The following USP34 variants were observed in gnomAD, a reference collection of about 807,000 sequenced individuals.
USP34 encodes ubiquitin carboxyl-terminal hydrolase 34.
Under a neutral mutation model 460.3 loss-of-function variants are expected in USP34, and 70 were observed. The observed-to-expected ratio is 0.15, with a 90% confidence interval of 0.13 to 0.19. The LOEUF (loss-of-function observed/expected upper bound fraction) is 0.19, where lower values mean the gene tolerates loss of function less well. Ranked by LOEUF, USP34 falls within the 10% of genes least tolerant of loss-of-function variation. The pLI, the probability that USP34 is intolerant of heterozygous loss-of-function variation, is 1.00. For missense variants in USP34, 3,985 were observed against 4,236.2 expected (o/e 0.94, Z 1.65); for synonymous variants, 1,647 against 1,405.3 (o/e 1.17, Z -3.85).
chr2:61,219,668 C>A lies in USP34; in HGVS notation c.8047+642G>T, dbSNP rs1354955316. ...CCTGAGCAACAGAGTGAGACTCTGTCTCAAAAAAAAAAAAAAAAAATTCAA... is the reference window on the plus strand; with the variant it reads ...CCTGAGCAACAGAGTGAGACTCTGTATCAAAAAAAAAAAAAAAAAATTCAA... On this transcript the variant is annotated intron_variant, in intron 67 of 79. Coordinates refer to ENST00000398571, the MANE Select transcript of USP34 (RefSeq NM_014709.4). Among the ~76,000 whole-genome samples, 5 of 139,226 alleles carry A rather than the reference C, an allele frequency of 3.6e-5. No homozygotes were observed. The East Asian group carries it at 1.0e-3, about 29-fold the overall frequency. 91.3% of individuals were successfully genotyped at this position (139,226 alleles called of 152,430 possible). A position where few individuals can be genotyped will look rare whatever the true frequency, so the allele number is the denominator to read the frequency against.
chr2:61,397,341 G>C (rs1249379720), intron 3 of USP34, among the ~76,000 whole-genome samples: 1 of 151,882 alleles, frequency 6.6e-6, no homozygotes, highest in African/African-American at 2.4e-5. Flanking sequence ...TACTTGGGAG[G>C]CTGATGCAGG....
chr2:61,445,831 C>T (rs1288305591), intron 1 of USP34, among the ~76,000 whole-genome samples: 1 of 151,914 alleles, frequency 6.6e-6, no homozygotes, highest in African/African-American at 2.4e-5. Flanking sequence ...ACGTGTAATA[C>T]CAGCTACTCG....
chr2:61,431,581 C>T (rs1008822136), intron 1 of USP34, among the ~76,000 whole-genome samples: 3 of 152,162 alleles, frequency 2.0e-5, no homozygotes, highest in Non-Finnish European at 2.9e-5. Flanking sequence ...GCTGGCCGGG[C>T]GTGGTGGCTC....
At chr2:61,421,442 T>A (rs1180234413) in intron 1 of USP34, among the ~76,000 whole-genome samples, 4 of 152,198 alleles carry the variant, frequency 2.6e-5, no homozygotes, top group Non-Finnish European at 4.4e-5. Flanking sequence ...ATAATAAAAA[T>A]TGAACATAAC....
intron 8 of USP34, among the ~76,000 whole-genome samples, chr2:61,374,585 T>A (rs192244219): frequency 1.0e-3 from 152 of 151,598 alleles, no homozygotes; most frequent in Non-Finnish European, 1.6e-3. Context: ...CTGCACACAC[T>A]CAGGATCAAA....
intron 61 of USP34, 117 bp from the exon 62 acceptor site, chr2:61,227,335 C>CA: frequency 8.7e-7 from 1 of 1,152,790 alleles, no homozygotes; most frequent in Non-Finnish European, 1.2e-6. Flanking sequence ...ACATGAAAAA[C>CA]AACTGCACAA....
At chr2:61,448,721 G>C (rs1028628158) in intron 1 of USP34, among the ~76,000 whole-genome samples, 6 of 152,174 alleles carry the variant, frequency 3.9e-5, no homozygotes, top group South Asian at 4.1e-4. Context: ...CAGGATACAA[G>C]ATCAAGGTAC....
chr2:61,204,885 T>G (rs1558464990), intron 72 of USP34, among the ~76,000 whole-genome samples: 1 of 152,168 alleles, frequency 6.6e-6, no homozygotes, highest in East Asian at 1.9e-4. Context: ...GTGAGGGATT[T>G]TTTTTTGGTC....
intron 21 of USP34, among the ~76,000 whole-genome samples, 175 bp from the exon 22 acceptor site, chr2:61,319,502 T>C (rs1690848368): frequency 6.6e-6 from 1 of 150,914 alleles, no homozygotes; most frequent in Non-Finnish European, 1.5e-5. Context: ...TTAATTGATA[T>C]AAATAAGAGT....
Position 61,437,127 on chromosome 2 carries a change from C to G in USP34, c.44-16294G>C, listed in dbSNP as rs542954825. On this transcript the variant is annotated intron_variant, in intron 1 of 79. Coordinates refer to ENST00000398571, the MANE Select transcript of USP34 (RefSeq NM_014709.4). ...ATTTCAAACAACCAATGATGCATCT[C>G]AAGGAACCAAAAAGAACAAAACCAA... Among the ~76,000 whole-genome samples, 43 of 152,104 alleles carry G rather than the reference C, an allele frequency of 2.8e-4. 1 individual carries two copies. The South Asian group carries it at 8.7e-3, about 31-fold the overall frequency.
chr2:61,324,030 A>G (rs1394641439), intron 21 of USP34, among the ~76,000 whole-genome samples: 1 of 152,246 alleles, frequency 6.6e-6, no homozygotes, highest in African/African-American at 2.4e-5. Flanking sequence ...TGGACTTGAA[A>G]AGAGTCATGA....
At chr2:61,383,476 G>C in intron 5 of USP34, 140 bp from the exon 6 acceptor site, 1 of 500,806 alleles carries the variant, frequency 2.0e-6, no homozygotes, top group Non-Finnish European at 3.6e-6. Context: ...AGGCTGAGGT[G>C]GGCAGATCCG....
rs1327007575 is a variant in USP34, at chr2:61,333,578, T to C, written c.2834+304A>G. Among the ~76,000 whole-genome samples, 6 of 152,130 alleles carry C rather than the reference T, an allele frequency of 3.9e-5. No individual in the cohort carries two copies. The South Asian group carries it at 6.2e-4, about 16-fold the overall frequency. On this transcript the variant is annotated intron_variant, in intron 19 of 79. Coordinates refer to ENST00000398571, the MANE Select transcript of USP34 (RefSeq NM_014709.4). ...ATTAAAGGCATGCCAGAGTTTACTTTAGTGTGGCTCTTCTTCAAAAGTACT... is the reference window on the plus strand; with the variant it reads ...ATTAAAGGCATGCCAGAGTTTACTTCAGTGTGGCTCTTCTTCAAAAGTACT...
intron 8 of USP34, 107 bp from the exon 9 acceptor site, chr2:61,370,686 A>G: frequency 2.3e-6 from 2 of 874,598 alleles, no homozygotes; most frequent in Non-Finnish European, 3.5e-6. Flanking sequence ...TAGGAATTAT[A>G]AAGAATTAGA....
At chr2:61,384,343 G>T (rs1483142302) in intron 5 of USP34, among the ~76,000 whole-genome samples, 1 of 152,082 alleles carries the variant, frequency 6.6e-6, no homozygotes, top group Non-Finnish European at 1.5e-5. Flanking sequence ...AAAAAACTCT[G>T]ATACTGAGTC....
Position 61,387,928 on chromosome 2 carries a change from T to TACACACACAC in USP34, c.754-4602_754-4593dup, listed in dbSNP as rs36116916. On this transcript the variant is annotated intron_variant, in intron 5 of 79. Transcript: ENST00000398571. ...ATAAGCATATGTAAAAATATATTTATACACACACACACACACACACACACA... is the reference window on the plus strand; with the variant it reads ...ATAAGCATATGTAAAAATATATTTATACACACACACACACACACACACACACACACACACA... Among the ~76,000 whole-genome samples, 677 of 142,616 alleles carry TACACACACAC rather than the reference T, an allele frequency of 4.7e-3. 4 individuals carry two copies. Among genetic ancestry groups the TACACACACAC allele is most frequent in the South Asian group, 0.031 (135 of 4,422 alleles). 93.6% of individuals were successfully genotyped at this position (142,616 alleles called of 152,430 possible).
At position 61,314,650 on chromosome 2, in the gene USP34, T is replaced by G. The variant is rs766901563; in HGVS notation, c.3477A>C (p.Ser1159=). The change falls in exon 25 of 80, where the codon TCA becomes TCC. Residue 1159 remains serine (S), a synonymous_variant. Transcript: ENST00000398571. ...ASSSLEQESH[S]SLMVIERGLL... is the part of the protein sequence containing the mutation. ...GTCCTCTTTCTATAACCATGAGACT[T>G]GAGTGTGATTCCTGTTCAAGACTGC... is the stretch of plus-strand genomic sequence containing the variant. 1.9e-6 allele frequency: 3 copies of G among 1,603,250 alleles called. No homozygotes were observed. Among genetic ancestry groups the G allele is most frequent in the East Asian group, 4.5e-5 (2 of 44,728 alleles).
chr2:61,283,741 C>T (rs1689605298), intron 35 of USP34, among the ~76,000 whole-genome samples: 1 of 152,068 alleles, frequency 6.6e-6, no homozygotes, highest in Non-Finnish European at 1.5e-5. Flanking sequence ...CTCAGCCTCC[C>T]AATAGCTGGG....
intron 1 of USP34, among the ~76,000 whole-genome samples, chr2:61,461,874 C>T (rs915961848): frequency 5.9e-5 from 9 of 152,010 alleles, no homozygotes; most frequent in Admixed American, 5.3e-4. Context: ...TGTACATTTG[C>T]GGCATTATTC....
Sources: gnomAD v4.1 joint callset for allele counts (sites outside exome capture counted in the v4.1 genomes callset) on GRCh38, gnomAD v4.1.1 for gene constraint, MANE v1.5 for transcripts, NCBI Gene and HGNC (gene_info 2026-07-23, HGNC 2026-07-21) for gene names.